The following NCK2 variants were observed in gnomAD, a reference collection of about 807,000 sequenced individuals.
The protein encoded by NCK2 is NCK adaptor protein 2, also known as cytoplasmic protein NCK2.
NCK2 carries 16 observed loss-of-function variants against 33.9 expected under a neutral mutation model. The ratio of observed to expected loss-of-function variants is 0.47; its 90% CI spans 0.32 to 0.72. The LOEUF is 0.72. Ranked by LOEUF, NCK2 falls within the 30% of genes least tolerant of loss-of-function variation. The probability of loss-of-function intolerance (pLI) is 0.03; values close to 1 mark genes in which losing one functional copy is unlikely to be tolerated. For missense variants in NCK2, 418 were observed against 537.3 expected (o/e 0.78, Z 2.19); for synonymous variants, 273 against 239.9 (o/e 1.14, Z -1.27).
At chr2:105,785,673 G>C (rs930541238) in intron 1 of NCK2, among the ~76,000 whole-genome samples, 1 of 152,176 alleles carries the variant, frequency 6.6e-6, no homozygotes, top group East Asian at 1.9e-4. Flanking sequence ...TTGCAGGTAT[G>C]CCCAGCCAGG....
At chr2:105,856,457 A>T (rs1222469057) in intron 3 of NCK2, among the ~76,000 whole-genome samples, 1 of 152,224 alleles carries the variant, frequency 6.6e-6, no homozygotes, top group African/African-American at 2.4e-5. Flanking sequence ...TTTTAAAAAA[A>T]TTTCTAACAA....
intron 1 of NCK2, among the ~76,000 whole-genome samples, chr2:105,750,749 T>TA (rs1468417516): frequency 6.6e-6 from 1 of 152,186 alleles, no homozygotes; most frequent in African/African-American, 2.4e-5. Flanking sequence ...GGTAGACACT[T>TA]ATTTGGGGGT....
chr2:105,881,379 C>G lies in NCK2; in HGVS notation c.278C>G (p.Pro93Arg). 2.5e-6 allele frequency: 4 copies of G among 1,610,310 alleles called. No homozygotes were observed. The South Asian group carries it at 4.4e-5, about 18-fold the overall frequency. Reference protein sequence around the residue: ...KTSARDASPTPSTDAEYPANG... With the variant: ...KTSARDASPTRSTDAEYPANG... ...AGCGCGCGGGATGCGTCCCCCACGC[C>G]CAGCACGGACGCCGAGTACCCCGCC... is the stretch of plus-strand genomic sequence containing the variant. Residue 93 changes from proline (P) to arginine (R), a missense_variant, in exon 4 of 5, where the codon CCC becomes CGC. Coordinates refer to ENST00000233154, the MANE Select transcript of NCK2 (RefSeq NM_003581.5).
chr2:105,881,673 G>A lies in NCK2; in HGVS notation c.572G>A (p.Gly191Asp). 7 of 1,613,692 alleles carry A rather than the reference G, an allele frequency of 4.3e-6. No individual in the cohort carries two copies. The highest frequency in any genetic ancestry group is 5.9e-6 in the Non-Finnish European group (7 of 1,179,746). Residue 191 changes from glycine to aspartate, a missense_variant, in exon 4 of 5, where the codon GGC becomes GAC. Gly to Asp is a moderately conservative substitution (Grantham distance 94). Coordinates refer to ENST00000233154, the MANE Select transcript of NCK2 (RefSeq NM_003581.5). Reference sequence around the variant, plus strand: ...CGCAAGGGCGCCTCGCTGAGCAATGGCCAGGGCTCCCGCGTGCTGCATGTG... The same window carrying A: ...CGCAAGGGCGCCTCGCTGAGCAATGACCAGGGCTCCCGCGTGCTGCATGTG... ...SLRKGASLSN[G>D]QGSRVLHVVQ...
intron 1 of NCK2, among the ~76,000 whole-genome samples, chr2:105,756,376 C>T (rs1457552249): frequency 6.6e-6 from 1 of 152,208 alleles, no homozygotes; most frequent in Non-Finnish European, 1.5e-5. Context: ...CTCATATGGA[C>T]TGAGAAAGAC....
At chr2:105,816,204 A>G (rs1011138299) in intron 1 of NCK2, among the ~76,000 whole-genome samples, 2 of 152,140 alleles carry the variant, frequency 1.3e-5, no homozygotes, top group African/African-American at 2.4e-5. Context: ...TAATGGGGAG[A>G]CTTAGGCAGG....
intron 1 of NCK2, among the ~76,000 whole-genome samples, chr2:105,799,897 CT>C (rs939837752): frequency 1.2e-4 from 18 of 149,984 alleles, no homozygotes; most frequent in Admixed American, 6.6e-4. Context: ...AATGACATAA[CT>C]TTTTTTTTTA....
intron 2 of NCK2, among the ~76,000 whole-genome samples, chr2:105,826,058 A>G (rs532736339): frequency 5.3e-5 from 8 of 152,232 alleles, no homozygotes; most frequent in Non-Finnish European, 8.8e-5. Flanking sequence ...TCCTACTGCA[A>G]TAAAGAACTA....
intron 2 of NCK2, among the ~76,000 whole-genome samples, chr2:105,839,297 C>T (rs1000744488): frequency 6.6e-6 from 1 of 152,110 alleles, no homozygotes; most frequent in African/African-American, 2.4e-5. Flanking sequence ...ACACAAATAC[C>T]TTTAGTTTTT....
intron 3 of NCK2, chr2:105,856,910 G>T (rs1677293086): frequency 6.6e-6 from 1 of 152,140 alleles, no homozygotes; most frequent in African/African-American, 2.4e-5. Context: ...AGGGTAGCAT[G>T]AATAGAGAAA....
At chr2:105,873,904 G>A (rs922257610) in intron 3 of NCK2, among the ~76,000 whole-genome samples, 5 of 152,142 alleles carry the variant, frequency 3.3e-5, no homozygotes, top group Non-Finnish European at 5.9e-5. Context: ...TCCTAGGGAC[G>A]GTATTTCCCC....
chr2:105,788,271 C>G (rs371092152), intron 1 of NCK2, among the ~76,000 whole-genome samples: 2 of 152,276 alleles, frequency 1.3e-5, no homozygotes, highest in East Asian at 1.9e-4. Context: ...GCCCTTGAAA[C>G]TTCTACACCC....
chr2:105,818,105 G>T (rs1675566604), intron 2 of NCK2, among the ~76,000 whole-genome samples: 1 of 151,874 alleles, frequency 6.6e-6, no homozygotes, highest in South Asian at 2.1e-4. Context: ...GCCATAAAAA[G>T]TGATGAGTTC....
At chr2:105,862,240 G>A (rs1677569835) in intron 3 of NCK2, among the ~76,000 whole-genome samples, 1 of 152,318 alleles carries the variant, frequency 6.6e-6, no homozygotes, top group Non-Finnish European at 1.5e-5. Context: ...CTAGTGGGAA[G>A]GGGGTCGGTC....
chr2:105,843,203 T>C (rs1676716449), intron 2 of NCK2, among the ~76,000 whole-genome samples: 1 of 152,098 alleles, frequency 6.6e-6, no homozygotes, highest in Admixed American at 6.5e-5. Context: ...ATATACCTTA[T>C]TTATGTTTCA....
chr2:105,838,134 C>T (rs1301140419), intron 2 of NCK2, among the ~76,000 whole-genome samples: 1 of 151,706 alleles, frequency 6.6e-6, no homozygotes, highest in Non-Finnish European at 1.5e-5. Flanking sequence ...TAGATAACCA[C>T]TATTTATAAA....
intron 1 of NCK2, among the ~76,000 whole-genome samples, chr2:105,779,517 T>A (rs1370934322): frequency 2.6e-5 from 4 of 152,192 alleles, no homozygotes; most frequent in Non-Finnish European, 5.9e-5. Flanking sequence ...GGTGGGTGGC[T>A]GCGTCCAGCT....
intron 1 of NCK2, among the ~76,000 whole-genome samples, chr2:105,757,911 C>T (rs1689644695): frequency 6.6e-6 from 1 of 152,158 alleles, no homozygotes; most frequent in South Asian, 2.1e-4. Context: ...CTGAGACATT[C>T]CACATGCCAG....
intron 1 of NCK2, among the ~76,000 whole-genome samples, chr2:105,791,659 C>T (rs1690888634): frequency 6.6e-6 from 1 of 152,180 alleles, no homozygotes; most frequent in Non-Finnish European, 1.5e-5. Context: ...ATAGTGACCT[C>T]TTGAAGTGCT....
Sources: gnomAD v4.1 joint callset for allele counts (sites outside exome capture counted in the v4.1 genomes callset) on GRCh38, gnomAD v4.1.1 for gene constraint, MANE v1.5 for transcripts, NCBI Gene and HGNC (gene_info 2026-07-23, HGNC 2026-07-21) for gene names.